The following SP100 variants were observed in gnomAD, a reference collection of about 807,000 sequenced individuals.
SP100 encodes SP100 nuclear body protein, also known as nuclear autoantigen Sp-100.
SP100 carries 84 observed loss-of-function variants against 130.0 expected under a neutral mutation model. The ratio of observed to expected loss-of-function variants is 0.65; its 90% CI spans 0.54 to 0.77. The LOEUF (loss-of-function observed/expected upper bound fraction) is 0.77, where lower values mean the gene tolerates loss of function less well. Ranked by LOEUF, SP100 falls within the 30% of genes least tolerant of loss-of-function variation. SP100 has a pLI of 0.00. For missense variants in SP100, 978 were observed against 1,052.2 expected, an observed-to-expected ratio of 0.93 and a Z score of 0.97; for synonymous variants, 331 against 351.7, an observed-to-expected ratio of 0.94 and a Z score of 0.66.
chr2:230,531,022 G>A (rs1403795457), intron 24 of SP100, among the ~76,000 whole-genome samples: 1 of 152,170 alleles, frequency 6.6e-6, no homozygotes, highest in Non-Finnish European at 1.5e-5. Flanking sequence ...AATTCCTCAA[G>A]GATCTAGAGC....
At chr2:230,541,223 T>A (rs1036290950) in intron 26 of SP100, 78 bp from the exon 27 acceptor site, 95 of 1,380,860 alleles carry the variant, frequency 6.9e-5, no homozygotes, top group Admixed American at 1.8e-5. Context: ...TTGGGAGTCG[T>A]GTGTTCTCTT....
intron 9 of SP100, 26 bp from the exon 10 acceptor site, chr2:230,462,409 T>C (rs756293870): frequency 2.5e-6 from 4 of 1,590,832 alleles, no homozygotes; most frequent in Non-Finnish European, 2.6e-6. Flanking sequence ...CCTGAGACTC[T>C]TAATGGTTTT....
Position 230,466,364 on chromosome 2 carries a change from A to C in SP100, c.1195+10A>C. On this transcript the variant is annotated intron_variant, in intron 12 of 28. Transcript: ENST00000340126. ...AGTTTTAAGAAAAGAGGTAAGAGAA[A>C]GCTTTAGGAAAAGAGGTAAGAGAAA... 2 of 1,435,920 alleles carry C rather than the reference A, an allele frequency of 1.4e-6. No homozygotes were observed. Among genetic ancestry groups the C allele is most frequent in the Non-Finnish European group, 2.0e-6 (2 of 1,020,492 alleles). The allele number at this position is 1,435,920 out of a possible 1,614,324, so 88.9% of individuals were successfully genotyped here. A position where few individuals can be genotyped will look rare whatever the true frequency, so the allele number is the denominator to read the frequency against.
intron 24 of SP100, among the ~76,000 whole-genome samples, chr2:230,526,222 A>C (rs1206224360): frequency 6.6e-6 from 1 of 152,204 alleles, no homozygotes; most frequent in Non-Finnish European, 1.5e-5. Context: ...AGGATCAGGC[A>C]GCAATATTTG....
At chr2:230,434,045 AC>A (rs1207977450) in intron 2 of SP100, among the ~76,000 whole-genome samples, 2 of 151,666 alleles carry the variant, frequency 1.3e-5, no homozygotes, top group Admixed American at 1.3e-4. Context: ...GAACCCTGAA[AC>A]TGTCCACTAA....
At chr2:230,445,065 A>T (rs979512845) in intron 4 of SP100, among the ~76,000 whole-genome samples, 2 of 152,328 alleles carry the variant, frequency 1.3e-5, no homozygotes, top group African/African-American at 4.8e-5. Context: ...CCCTTTATCC[A>T]CAAGGGGTGA....
Position 230,513,874 on chromosome 2 carries a change from C to T in SP100, c.2094+2708C>T, listed in dbSNP as rs547034662. ...GAGGCAAAAAAGTAGTTGCGGTTTT[C>T]GCCATCAGAAGTAATGGTGAAAACT... On this transcript the variant is annotated intron_variant, in intron 24 of 28. Coordinates refer to ENST00000340126, the MANE Select transcript of SP100 (RefSeq NM_001080391.2). 5.9e-5 allele frequency among the ~76,000 whole-genome samples: 9 copies of T among 152,328 alleles called. No individual in the cohort carries two copies. In the South Asian group the frequency reaches 1.0e-3, roughly 18 times the overall value.
chr2:230,424,519 T>G (rs1575586598), intron 2 of SP100, among the ~76,000 whole-genome samples: 1 of 151,960 alleles, frequency 6.6e-6, no homozygotes, highest in East Asian at 1.9e-4. Context: ...AATACAAAAA[T>G]TAGCTGGGCG....
rs1238433010 is a variant in SP100, at chr2:230,515,815, T to C, written c.2094+4649T>C. 9.8e-6 allele frequency: 14 copies of C among 1,423,198 alleles called. No homozygotes were observed. The East Asian group carries it at 3.5e-4, about 35-fold the overall frequency. The allele number at this position is 1,423,198 out of a possible 1,614,324, so 88.2% of individuals were successfully genotyped here. A position where few individuals can be genotyped will look rare whatever the true frequency, so the allele number is the denominator to read the frequency against. ...TACCGAATGTGTCTTCAGATAGCCCTGTCCTGGTGGTATTTAGCCACTAAC... is the reference window on the plus strand; with the variant it reads ...TACCGAATGTGTCTTCAGATAGCCCCGTCCTGGTGGTATTTAGCCACTAAC... On this transcript the variant is annotated intron_variant, in intron 24 of 28. Coordinates refer to ENST00000340126, the MANE Select transcript of SP100 (RefSeq NM_001080391.2).
intron 16 of SP100, 75 bp downstream of exon 16, chr2:230,473,515 T>C: frequency 2.4e-6 from 2 of 844,634 alleles, no homozygotes; most frequent in Non-Finnish European, 2.0e-6. Flanking sequence ...ATGTGGGAAG[T>C]GATCAGAGTT....
chr2:230,469,793 G>T, intron 14 of SP100: 7 of 757,092 alleles, frequency 9.2e-6, no homozygotes, highest in Non-Finnish European at 1.1e-5. Flanking sequence ...AAAAAAAAAA[G>T]AAGAAGAAAC....
chr2:230,467,239 A>C (rs2065006857), intron 13 of SP100, 24 bp downstream of exon 13: 1 of 1,546,062 alleles, frequency 6.5e-7, no homozygotes, highest in South Asian at 1.1e-5. Context: ...CCTTGACTTC[A>C]GGGCTCTGAC....
intron 22 of SP100, among the ~76,000 whole-genome samples, chr2:230,507,735 C>T (rs1690229297): frequency 6.6e-6 from 1 of 152,142 alleles, no homozygotes. Context: ...ATCTGCTCCA[C>T]AATGTGTCAA....
Position 230,449,051 on chromosome 2 carries a change from C to T in SP100, c.524-37C>T, listed in dbSNP as rs373011557. On this transcript the variant is annotated intron_variant, in intron 5 of 28. Transcript: ENST00000340126. ...GGGGAGAATGGCAAAATCCATACCT[C>T]GATTTCTGAAATAAACTTCTAATTT... 1.8e-4 allele frequency: 230 copies of T among 1,309,846 alleles called. 1 individual carries two copies. The African/African-American group carries it at 2.4e-3, about 14-fold the overall frequency. 81.1% of individuals were successfully genotyped at this position (1,309,846 alleles called of 1,614,324 possible).
At chr2:230,462,397 AC>A (rs765318070) in intron 9 of SP100, 37 bp from the exon 10 acceptor site, 75 of 1,530,852 alleles carry the variant, frequency 4.9e-5, no homozygotes, top group Non-Finnish European at 6.6e-5. Flanking sequence ...CCTTGGTCAC[AC>A]CCTGAGACTC....
intron 17 of SP100, among the ~76,000 whole-genome samples, chr2:230,475,963 G>A (rs1168629759): frequency 6.6e-6 from 1 of 152,078 alleles, no homozygotes; most frequent in Non-Finnish European, 1.5e-5. Context: ...TTAGAAGTTG[G>A]GCAACGCGAT....
chr2:230,417,515 C>T, intron 1 of SP100, 76 bp from the exon 2 acceptor site: 2 of 1,535,848 alleles, frequency 1.3e-6, no homozygotes, highest in Admixed American at 2.1e-5. Context: ...TTTATCTTGT[C>T]TCTAAACCTT....
At chr2:230,517,914 A>T (rs887746802) in intron 24 of SP100, among the ~76,000 whole-genome samples, 6 of 152,138 alleles carry the variant, frequency 3.9e-5, no homozygotes, top group African/African-American at 1.4e-4. Context: ...TTTATTTTTA[A>T]TATCAAATCT....
intron 2 of SP100, among the ~76,000 whole-genome samples, chr2:230,422,773 T>C (rs2062806656): frequency 6.6e-6 from 1 of 152,198 alleles, no homozygotes; most frequent in Non-Finnish European, 1.5e-5. Flanking sequence ...AATGCATAGA[T>C]TGGTTCTCTA....
Sources: allele counts gnomAD v4.1 joint callset (sites outside exome capture counted in the v4.1 genomes callset), GRCh38; gene constraint gnomAD v4.1.1; transcripts MANE v1.5; gene names NCBI Gene and HGNC (gene_info 2026-07-23, HGNC 2026-07-21).